Variants in PDIA3 observed in about 807,000 individuals in gnomAD.
PDIA3 encodes protein disulfide isomerase family A member 3, also known as protein disulfide-isomerase A3.
In PDIA3, 16 loss-of-function variants were observed where a neutral mutation model predicts 56.9. The observed-to-expected ratio is 0.28, with a 90% CI of 0.19 to 0.43. The LOEUF is 0.43. Ranked by LOEUF, PDIA3 falls within the 20% of genes least tolerant of loss-of-function variation. PDIA3 has a pLI of 1.00. For synonymous variants in PDIA3, 192 were observed against 216.5 expected (o/e 0.89, Z 0.99); for missense variants, 485 against 621.3 (o/e 0.78, Z 2.33).
At chr15:43,769,464 G>A (rs199915618) in intron 9 of PDIA3, 54 bp from the exon 10 acceptor site, 5 of 1,564,450 alleles carry the variant, frequency 3.2e-6, no homozygotes, top group African/African-American at 1.4e-5. Context: ...AACAAATACA[G>A]TTGTGAATTT....
At chr15:43,754,827 G>T (rs944699667) in intron 2 of PDIA3, among the ~76,000 whole-genome samples, 2 of 151,730 alleles carry the variant, frequency 1.3e-5, no homozygotes, top group Non-Finnish European at 2.9e-5. Flanking sequence ...ATACAGGCAG[G>T]CTTCCATAGT....
chr15:43,756,649 G>A lies in PDIA3; in HGVS notation c.247G>A (p.Val83Ile). Residue 83 changes from valine (V) to isoleucine (I), a missense_variant and splice_region_variant, in exon 3 of 13, where the codon GTT (valine) becomes ATT (isoleucine). Val to Ile is a conservative substitution (Grantham distance 29). Transcript: ENST00000300289. ...ATAGTTTGTGTATTTTGATCTTTAG[G>A]TTGATTGCACTGCCAACACTAACAC... is the stretch of plus-strand genomic sequence containing the variant. ...RLKGIVPLAK[V>I]DCTANTNTCN... is the part of the protein sequence containing the mutation. 1.3e-6 allele frequency: 2 copies of A among 1,545,204 alleles called. No individual in the cohort carries two copies. Among genetic ancestry groups the A allele is most frequent in the South Asian group, 2.2e-5 (2 of 89,522 alleles).
chr15:43,763,608 G>T (rs1175680465), intron 5 of PDIA3, among the ~76,000 whole-genome samples: 1 of 152,044 alleles, frequency 6.6e-6, no homozygotes, highest in Admixed American at 6.6e-5. Context: ...TACTTTCAAG[G>T]CATTATGCTA....
At chr15:43,757,210 A>G (rs1567156518) in intron 3 of PDIA3, among the ~76,000 whole-genome samples, 1 of 152,036 alleles carries the variant, frequency 6.6e-6, no homozygotes. Flanking sequence ...CTGAGGTGAG[A>G]GACTGTCTTG....
chr15:43,770,508 T>G lies in PDIA3; in HGVS notation c.1347-15T>G. 1 of 1,600,984 alleles carries G rather than the reference T, an allele frequency of 6.2e-7. No homozygotes were observed. The highest frequency in any genetic ancestry group is 8.6e-7 in the Non-Finnish European group (1 of 1,167,986). On this transcript the variant is annotated splice_polypyrimidine_tract_variant and intron_variant, in intron 11 of 12. Transcript: ENST00000300289. ...CACATAACTGCTTGAAATTAATAAATGTTTCTTTCCCCAGTTTTCCTACCA... is the reference window on the plus strand; with the variant it reads ...CACATAACTGCTTGAAATTAATAAAGGTTTCTTTCCCCAGTTTTCCTACCA...
At chr15:43,758,032 A>G (rs962909986) in intron 3 of PDIA3, among the ~76,000 whole-genome samples, 1 of 151,884 alleles carries the variant, frequency 6.6e-6, no homozygotes, top group Non-Finnish European at 1.5e-5. Flanking sequence ...TGAGGTCGGG[A>G]GTTCGAGACC....
Position 43,771,902 on chromosome 15 carries a change from G to T in PDIA3, c.*684G>T. The T allele has an allele frequency of 3.0e-6, 1 of 329,720 alleles. No homozygotes were observed. Among genetic ancestry groups the T allele is most frequent in the Non-Finnish European group, 5.5e-6 (1 of 182,714 alleles). The allele number at this position is 329,720 out of a possible 1,614,324, so 20.4% of individuals were successfully genotyped here. On this transcript the variant is annotated 3_prime_UTR_variant, in exon 13 of 13. Transcript: ENST00000300289. Reference sequence around the variant, plus strand: ...TAGGCTGTCCATGCCCTAAGGATGGGTTCCTGTTTATCCTTGCCACGCAGC... The same window carrying T: ...TAGGCTGTCCATGCCCTAAGGATGGTTTCCTGTTTATCCTTGCCACGCAGC...
intron 9 of PDIA3, 28 bp from the exon 10 acceptor site, chr15:43,769,487 TACC>T (rs1207528673): frequency 5.6e-6 from 9 of 1,605,132 alleles, no homozygotes; most frequent in Non-Finnish European, 7.7e-6. Context: ...TTTTTTATGT[TACC>T]AACTAGAGAT....
Position 43,767,787 on chromosome 15 carries a change from A to G in PDIA3, c.1029-702A>G, listed in dbSNP as rs939900703. ...TCTGTCTCAAAAAAAAAAAAAAAAAAAAAGAAAGAAATAGATAAGATTGGA... is the reference window on the plus strand; with the variant it reads ...TCTGTCTCAAAAAAAAAAAAAAAAAGAAAGAAAGAAATAGATAAGATTGGA... On this transcript the variant is annotated intron_variant, in intron 8 of 12. Coordinates refer to ENST00000300289, the MANE Select transcript of PDIA3 (RefSeq NM_005313.5). Among the ~76,000 whole-genome samples the G allele has an allele frequency of 2.3e-3, 347 of 149,882 alleles. 2 individuals carry two copies. Among genetic ancestry groups the G allele is most frequent in the African/African-American group, 7.0e-3 (284 of 40,746 alleles).
intron 12 of PDIA3, 29 bp from the exon 13 acceptor site, chr15:43,771,076 C>G: frequency 1.4e-6 from 2 of 1,481,366 alleles, no homozygotes; most frequent in Non-Finnish European, 1.9e-6. Context: ...TAAAAAGTTA[C>G]ACTTTTAAGC....
intron 3 of PDIA3, among the ~76,000 whole-genome samples, chr15:43,758,968 C>G (rs1342343154): frequency 2.6e-5 from 4 of 151,078 alleles, no homozygotes; most frequent in African/African-American, 4.9e-5. Flanking sequence ...CAGTGAGACC[C>G]TGTCTCAAAA....
In PDIA3 at chr15:43,746,443, C is replaced by G. The variant is rs2086704923; in HGVS notation, c.-97C>G. 2.4e-6 allele frequency: 3 copies of G among 1,245,200 alleles called. No homozygotes were observed. Among genetic ancestry groups the G allele is most frequent in the Admixed American group, 3.3e-5 (1 of 30,664 alleles). The allele number at this position is 1,245,200 out of a possible 1,614,324, so 77.1% of individuals were successfully genotyped here. A position where few individuals can be genotyped will look rare whatever the true frequency, so the allele number is the denominator to read the frequency against. ...GCTGCAGGTCCGCCTGGGCCAGACG[C>G]GCGAGCGCAAGCAGCGGGTTAGTGG... On this transcript the variant is annotated 5_prime_UTR_variant, in exon 1 of 13. Coordinates refer to ENST00000300289, the MANE Select transcript of PDIA3 (RefSeq NM_005313.5).
In PDIA3 at chr15:43,765,919, A is replaced by G. The variant is rs1485522929; in HGVS notation, c.752A>G (p.Asn251Ser). The G allele has an allele frequency of 1.2e-6, 2 of 1,613,322 alleles. No homozygotes were observed. Among genetic ancestry groups the G allele is most frequent in the Non-Finnish European group, 8.5e-7 (1 of 1,179,686 alleles). The change falls in exon 7 of 13, where the codon AAT (asparagine) becomes AGT (serine). Residue 251 changes from asparagine to serine, a missense_variant. Coordinates refer to ENST00000300289, the MANE Select transcript of PDIA3 (RefSeq NM_005313.5). ...ATCTGCCCTCACATGACAGAAGACA[A>G]TAAAGATTTGATACAGGGCAAGGAC... The part of the protein sequence containing the change: ...FGICPHMTED[N>S]KDLIQGKDLL...
At chr15:43,754,653 G>A (rs1003891454) in intron 2 of PDIA3, among the ~76,000 whole-genome samples, 1 of 150,998 alleles carries the variant, frequency 6.6e-6, no homozygotes, top group Non-Finnish European at 1.5e-5. Context: ...AGGCTGCAGT[G>A]ACTAGACACT....
In PDIA3 at chr15:43,753,810, T is replaced by A. The variant is rs2086759654; in HGVS notation, c.168-14T>A. 2 of 1,595,508 alleles carry A rather than the reference T, an allele frequency of 1.3e-6. No individual in the cohort carries two copies. The highest frequency in any genetic ancestry group is 8.6e-7 in the Non-Finnish European group (1 of 1,164,570). On this transcript the variant is annotated splice_polypyrimidine_tract_variant and intron_variant, in intron 1 of 12. Transcript: ENST00000300289. ...GACTAAACTGAGAATTTGGCTTTTT[T>A]AATACGTATATAGGTGTGGACACTG... is the stretch of plus-strand genomic sequence containing the variant.
At chr15:43,766,704 A>G (rs368004015) in intron 7 of PDIA3, 24 bp from the exon 8 acceptor site, 71 of 1,609,740 alleles carry the variant, frequency 4.4e-5, no homozygotes, top group Non-Finnish European at 5.8e-5. Context: ...TAGTCTTGGC[A>G]CAAATGTCTC....
At chr15:43,754,264 C>T (rs143321361) in intron 2 of PDIA3, among the ~76,000 whole-genome samples, 1,556 of 151,850 alleles carry the variant, frequency 0.01, 10 homozygotes, top group Non-Finnish European at 0.017. Context: ...TGTGATGGCA[C>T]GTGCCTGTAG....
intron 5 of PDIA3, among the ~76,000 whole-genome samples, chr15:43,764,659 G>A (rs899118632): frequency 2.6e-5 from 4 of 151,952 alleles, no homozygotes; most frequent in African/African-American, 9.7e-5. Context: ...GTAGAGACAG[G>A]GTTTCATCAT....
chr15:43,763,299 C>T (rs1185076340), intron 5 of PDIA3, 93 bp downstream of exon 5: 4 of 1,412,866 alleles, frequency 2.8e-6, no homozygotes, highest in South Asian at 2.5e-5. Context: ...GTCACCCAGG[C>T]TGGAGTGCAG....
Sources: gnomAD v4.1 joint callset for allele counts (sites outside exome capture counted in the v4.1 genomes callset) on GRCh38, gnomAD v4.1.1 for gene constraint, MANE v1.5 for transcripts, NCBI Gene and HGNC (gene_info 2026-07-23, HGNC 2026-07-21) for gene names.